The following MEIG1 variants were observed in gnomAD, a reference collection of about 807,000 sequenced individuals.
MEIG1 encodes the protein meiosis expressed gene 1 protein homolog.
In MEIG1, 12 loss-of-function variants were observed where a neutral mutation model predicts 11.3. The observed-to-expected ratio is 1.07, with a 90% CI of 0.68 to 1.73. The LOEUF is 1.73. MEIG1 is among the 40% of genes most tolerant of loss of function. The pLI is 0.00. For synonymous variants in MEIG1, 41 were observed against 33.2 expected, an observed-to-expected ratio of 1.24 and a Z score of -0.81; for missense variants, 119 against 104.9, an observed-to-expected ratio of 1.13 and a Z score of -0.59.
chr10:14,972,700 A>G lies in MEIG1; in HGVS notation c.*59A>G. 7.1e-7 allele frequency: 1 copy of G among 1,399,384 alleles called. No homozygotes were observed. Among genetic ancestry groups the G allele is most frequent in the Non-Finnish European group, 9.6e-7 (1 of 1,040,618 alleles). The allele number at this position is 1,399,384 out of a possible 1,614,324, so 86.7% of individuals were successfully genotyped here. ...TTAAGTATTCATCATTTCCTTCTAC[A>G]TCATGTGTTTGTCATTTGATGAAAT... is the stretch of plus-strand genomic sequence containing the variant. On this transcript the variant is annotated 3_prime_UTR_variant, in exon 3 of 3. Coordinates refer to ENST00000407572, the MANE Select transcript of MEIG1 (RefSeq NM_001080836.3).
chr10:14,986,775 A>C, intron 1 of MEIG1: 1 of 340,678 alleles, frequency 2.9e-6, no homozygotes, highest in South Asian at 2.4e-5. Flanking sequence ...AAGCCTGACT[A>C]ATAGTTTGTT....
At chr10:14,980,901 A>G (rs1195897868) in intron 1 of MEIG1, among the ~76,000 whole-genome samples, 39 of 152,286 alleles carry the variant, frequency 2.6e-4, no homozygotes, top group Admixed American at 7.2e-4. Context: ...CTCAGCTGGC[A>G]GCAACCCCAA....
intron 1 of MEIG1, among the ~76,000 whole-genome samples, chr10:14,961,632 C>T (rs1028313674): frequency 3.3e-4 from 18 of 54,016 alleles, no homozygotes; most frequent in Admixed American, 8.8e-4. Flanking sequence ...CCACCGCATC[C>T]GGCTAATTTT....
chr10:14,958,746 A>T (rs1284587834), upstream of MEIG1, among the ~76,000 whole-genome samples: 1 of 152,146 alleles, frequency 6.6e-6, no homozygotes, highest in Non-Finnish European at 1.5e-5. Context: ...AATACAAAAA[A>T]TTAGCCAGGC....
chr10:14,977,312 G>T (rs766396490), downstream of MEIG1, among the ~76,000 whole-genome samples: 5 of 151,908 alleles, frequency 3.3e-5, no homozygotes, highest in Admixed American at 6.6e-5. Flanking sequence ...GGTGATGTTA[G>T]TCTTAATGTC....
At chr10:14,966,032 T>C (rs573259896) in intron 1 of MEIG1, among the ~76,000 whole-genome samples, 3 of 151,440 alleles carry the variant, frequency 2.0e-5, no homozygotes, top group Non-Finnish European at 4.4e-5. Flanking sequence ...TTCTCAACTC[T>C]AAGTATAATT....
intron 1 of MEIG1, among the ~76,000 whole-genome samples, chr10:14,984,918 A>G (rs112224690): frequency 5.3e-5 from 8 of 152,068 alleles, no homozygotes; most frequent in East Asian, 1.9e-4. Flanking sequence ...CCAGGAAAAC[A>G]TTACTGCTAA....
Position 14,972,733 on chromosome 10 carries a change from G to C in MEIG1, c.*92G>C. 8.3e-7 allele frequency: 1 copy of C among 1,209,208 alleles called. No homozygotes were observed. Among genetic ancestry groups the C allele is most frequent in the Non-Finnish European group, 1.1e-6 (1 of 884,050 alleles). 74.9% of individuals were successfully genotyped at this position (1,209,208 alleles called of 1,614,324 possible). On this transcript the variant is annotated 3_prime_UTR_variant, in exon 3 of 3. Coordinates refer to ENST00000407572, the MANE Select transcript of MEIG1 (RefSeq NM_001080836.3). The stretch of plus-strand genomic sequence containing the variant: ...TTTGTCATTTGATGAAATAATTCAA[G>C]ATGCAGTCTGCAGTTTAATGTTTTG...
rs34536061 is a variant in MEIG1 at position 14,961,638 on chromosome 10, A to ATTTTTTTTTT, written c.-30+2093_-30+2102dup. On this transcript the variant is annotated intron_variant, in intron 1 of 2. Transcript: ENST00000407572. Reference sequence around the variant, plus strand: ...AGGCAGCCGCCACCGCATCCGGCTAATTTTTTTTTTTTTTTTTTTTTAGTA... The same window carrying ATTTTTTTTTT: ...AGGCAGCCGCCACCGCATCCGGCTAATTTTTTTTTTTTTTTTTTTTTTTTTTTTTTTAGTA... Among the ~76,000 whole-genome samples, 75 of 76,600 alleles carry ATTTTTTTTTT rather than the reference A, an allele frequency of 9.8e-4. 5 individuals are homozygous for ATTTTTTTTTT. Among genetic ancestry groups the ATTTTTTTTTT allele is most frequent in the African/African-American group, 2.8e-3 (62 of 21,956 alleles). The allele number at this position is 76,600 out of a possible 152,430, so 50.3% of individuals were successfully genotyped here. A position where few individuals can be genotyped will look rare whatever the true frequency, so the allele number is the denominator to read the frequency against.
chr10:14,973,102 G>C (rs1374904821), downstream of MEIG1, among the ~76,000 whole-genome samples: 1 of 152,012 alleles, frequency 6.6e-6, no homozygotes, highest in African/African-American at 2.4e-5. Flanking sequence ...CTGACCTCAA[G>C]TGATCTGCCC....
intron 1 of MEIG1, chr10:14,986,727 G>C: frequency 1.3e-5 from 4 of 304,216 alleles, no homozygotes; most frequent in South Asian, 1.2e-4. Flanking sequence ...CTTGGGCCTC[G>C]GCCCTGCGAA....
At position 14,959,540 on chromosome 10, in the gene MEIG1, G is replaced by C. The variant is rs777245370; in HGVS notation, c.-47G>C. 6.6e-6 allele frequency: 1 copy of C among 152,368 alleles called. No individual in the cohort carries two copies. Among genetic ancestry groups the C allele is most frequent in the Non-Finnish European group, 1.5e-5 (1 of 68,160 alleles). 9.4% of individuals were successfully genotyped at this position (152,368 alleles called of 1,614,324 possible). On this transcript the variant is annotated 5_prime_UTR_variant, in exon 1 of 3. Transcript: ENST00000407572. ...TGCTCGGCGGAACGAGGATAACCCA[G>C]TAGAGCCGGACCCAGGGGTGGGTGG...
chr10:14,984,645 T>C (rs570179903), intron 1 of MEIG1, among the ~76,000 whole-genome samples: 23 of 152,234 alleles, frequency 1.5e-4, no homozygotes, highest in Admixed American at 5.9e-4. Context: ...CTTGTCAAAT[T>C]ACTCGTATGA....
At chr10:14,957,906 A>C (rs1264615207), upstream of MEIG1, among the ~76,000 whole-genome samples, 3 of 152,142 alleles carry the variant, frequency 2.0e-5, no homozygotes, top group African/African-American at 7.2e-5. Flanking sequence ...TCAGCCTCCC[A>C]AAGTGCTGGG....
intron 2 of MEIG1, among the ~76,000 whole-genome samples, chr10:14,967,504 ATT>A (rs34624834): frequency 0.61 from 82,406 of 135,148 alleles, 23,889 homozygotes; most frequent in Admixed American, 0.65. Context: ...CTACTAAGAT[ATT>A]TTTTTTTTTT....
chr10:14,964,868 A>G (rs1486491251), intron 1 of MEIG1, among the ~76,000 whole-genome samples: 1 of 150,700 alleles, frequency 6.6e-6, no homozygotes, highest in East Asian at 1.9e-4. Flanking sequence ...GCTCACTGCA[A>G]CCTCCACCTC....
chr10:14,962,480 C>T (rs1209602199), intron 1 of MEIG1, among the ~76,000 whole-genome samples: 1 of 152,040 alleles, frequency 6.6e-6, no homozygotes, highest in Non-Finnish European at 1.5e-5. Flanking sequence ...TGGTGATTTC[C>T]CCCAAAGTCC....
chr10:14,973,769 C>CAAAA (rs59507280), downstream of MEIG1, among the ~76,000 whole-genome samples: 2,611 of 90,390 alleles, frequency 0.029, 215 homozygotes, highest in African/African-American at 0.091. Context: ...GACTCCATCT[C>CAAAA]AAAAAAAAAA....
intron 1 of MEIG1, among the ~76,000 whole-genome samples, chr10:14,985,098 T>A (rs548899733): frequency 3.7e-4 from 57 of 152,128 alleles, no homozygotes; most frequent in African/African-American, 1.3e-3. Flanking sequence ...CGTTATTTCC[T>A]CGGGGGATGT....
Sources: allele counts gnomAD v4.1 joint callset (sites outside exome capture counted in the v4.1 genomes callset), GRCh38; gene constraint gnomAD v4.1.1; transcripts MANE v1.5; gene names NCBI Gene and HGNC (gene_info 2026-07-23, HGNC 2026-07-21).